Variants in DCUN1D4 observed in about 807,000 individuals in gnomAD.
DCUN1D4 encodes the protein DCN1-like protein 4.
Under a neutral mutation model 47.9 loss-of-function variants are expected in DCUN1D4, and 22 were observed. That is an observed-to-expected ratio of 0.46 (90% CI 0.33 to 0.66). DCUN1D4 has a LOEUF of 0.66. DCUN1D4 is among the 30% of genes least tolerant of loss of function. The pLI is 0.02. For missense variants in DCUN1D4, 301 were observed against 340.8 expected, an observed-to-expected ratio of 0.88 and a Z score of 0.92; for synonymous variants, 121 against 112.2, an observed-to-expected ratio of 1.08 and a Z score of -0.50.
chr4:51,859,984 A>G (rs1231771559), intron 1 of DCUN1D4, among the ~76,000 whole-genome samples: 1 of 152,158 alleles, frequency 6.6e-6, no homozygotes, highest in Non-Finnish European at 1.5e-5. Context: ...TACCCTTAAC[A>G]TCTAGGCCTT....
chr4:51,840,289 A>T (rs917731476), upstream of DCUN1D4, among the ~76,000 whole-genome samples: 1 of 152,218 alleles, frequency 6.6e-6, no homozygotes, highest in Admixed American at 6.5e-5. Context: ...ATTGATTTAC[A>T]TATTGAAAAA....
intron 8 of DCUN1D4, among the ~76,000 whole-genome samples, chr4:51,907,388 G>T (rs1733053596): frequency 6.6e-6 from 1 of 152,220 alleles, no homozygotes; most frequent in South Asian, 2.1e-4. Flanking sequence ...TTTCAGATAT[G>T]AGCTTTTTAC....
chr4:51,874,630 A>C, intron 4 of DCUN1D4: 1 of 349,744 alleles, frequency 2.9e-6, no homozygotes, highest in Non-Finnish European at 5.2e-6. Context: ...TGATCGCCCA[A>C]AACTGGTGCA....
At chr4:51,872,424 G>A (rs895508459) in intron 3 of DCUN1D4, among the ~76,000 whole-genome samples, 11 of 152,202 alleles carry the variant, frequency 7.2e-5, no homozygotes, top group African/African-American at 2.6e-4. Context: ...TCCACAGCCC[G>A]CTGCAATCTG....
the DCUN1D4 span, among the ~76,000 whole-genome samples, chr4:51,834,804 A>C: frequency 6.6e-6 from 1 of 152,060 alleles, no homozygotes; most frequent in Non-Finnish European, 1.5e-5. Context: ...AATGGGAGCA[A>C]ATGACGCACG....
rs188713940 is a variant in DCUN1D4 at position 51,881,966 on chromosome 4, G to A, written c.343+4112G>A. Among the ~76,000 whole-genome samples the A allele has an allele frequency of 1.3e-4, 20 of 152,216 alleles. No individual in the cohort carries two copies. The East Asian group carries it at 1.7e-3, about 13-fold the overall frequency. On this transcript the variant is annotated intron_variant, in intron 5 of 10. Transcript: ENST00000334635. ...GAGGATCGTTTGAGCTAAGGAGTTT[G>A]TGACCAGCCTGGGCAATATAGTGAG...
chr4:51,893,409 CTT>C (rs1491470160), intron 7 of DCUN1D4, among the ~76,000 whole-genome samples: 7 of 150,058 alleles, frequency 4.7e-5, no homozygotes, highest in African/African-American at 1.2e-4. Context: ...TCATTGCTTC[CTT>C]TTTCTTTTCT....
chr4:51,887,071 G>A (rs752948851), intron 6 of DCUN1D4: 34 of 447,496 alleles, frequency 7.6e-5, no homozygotes, highest in Non-Finnish European at 1.1e-4. Context: ...TTCATAGATC[G>A]TTTACTTCCA....
chr4:51,896,030 G>C (rs997208642), intron 7 of DCUN1D4, among the ~76,000 whole-genome samples: 1 of 152,108 alleles, frequency 6.6e-6, no homozygotes, highest in African/African-American at 2.4e-5. Flanking sequence ...TGACTCAGCA[G>C]CCTGTTTCAC....
At position 51,915,608 on chromosome 4, in the gene DCUN1D4, A is replaced by G. The variant is rs1014482913; in HGVS notation, c.*2024A>G. 6.6e-6 allele frequency: 1 copy of G among 152,594 alleles called. No homozygotes were observed. The highest frequency in any genetic ancestry group is 1.5e-5 in the Non-Finnish European group (1 of 68,018). 9.5% of individuals were successfully genotyped at this position (152,594 alleles called of 1,614,324 possible). A position where few individuals can be genotyped will look rare whatever the true frequency, so the allele number is the denominator to read the frequency against. ...AGTTACACTTTAAAGGCAACAGGTCATACAGTTCTTTAAATCTGATCAACT... is the reference window on the plus strand; with the variant it reads ...AGTTACACTTTAAAGGCAACAGGTCGTACAGTTCTTTAAATCTGATCAACT... On this transcript the variant is annotated 3_prime_UTR_variant, in exon 11 of 11. Coordinates refer to ENST00000334635, the MANE Select transcript of DCUN1D4 (RefSeq NM_001040402.3).
At chr4:51,887,540 A>G (rs1577981995) in intron 6 of DCUN1D4, among the ~76,000 whole-genome samples, 2 of 152,240 alleles carry the variant, frequency 1.3e-5, no homozygotes, top group South Asian at 2.1e-4. Flanking sequence ...CTCTTACACT[A>G]AAATGAAAAA....
intron 1 of DCUN1D4, among the ~76,000 whole-genome samples, chr4:51,855,190 A>G (rs956339325): frequency 7.9e-5 from 12 of 152,312 alleles, no homozygotes; most frequent in African/African-American, 2.6e-4. Flanking sequence ...AATGTCTAGA[A>G]TAGGCAAATC....
At chr4:51,913,471 C>CTAT (rs1733999689) in intron 10 of DCUN1D4, 58 bp from the exon 11 acceptor site, 9 of 1,559,080 alleles carry the variant, frequency 5.8e-6, no homozygotes, top group Middle Eastern at 1.7e-4. Flanking sequence ...AGCTACATTA[C>CTAT]TATTATTATT....
At chr4:51,849,339 C>G (rs1173548364) in intron 1 of DCUN1D4, among the ~76,000 whole-genome samples, 1 of 152,172 alleles carries the variant, frequency 6.6e-6, no homozygotes, top group Non-Finnish European at 1.5e-5. Context: ...TCTGCTGTGT[C>G]CCCTTAGGCA....
chr4:51,836,584 C>G, the DCUN1D4 span, among the ~76,000 whole-genome samples: 2 of 152,108 alleles, frequency 1.3e-5, no homozygotes, highest in African/African-American at 4.8e-5. Flanking sequence ...TTGGGCAGAA[C>G]GGGGTGGCTG....
At chr4:51,855,362 G>T (rs1244177768) in intron 1 of DCUN1D4, among the ~76,000 whole-genome samples, 2 of 152,152 alleles carry the variant, frequency 1.3e-5, no homozygotes, top group African/African-American at 4.8e-5. Flanking sequence ...TATAATGAGT[G>T]AATTCCATGC....
chr4:51,849,879 T>C (rs1201444506), intron 1 of DCUN1D4, among the ~76,000 whole-genome samples: 1 of 152,088 alleles, frequency 6.6e-6, no homozygotes, highest in African/African-American at 2.4e-5. Context: ...TTTAGTGGAA[T>C]GTTTATTTTG....
intron 5 of DCUN1D4, 72 bp from the exon 6 acceptor site, chr4:51,886,496 A>G (rs1164622019): frequency 1.5e-6 from 2 of 1,366,684 alleles, no homozygotes; most frequent in Admixed American, 1.9e-5. Context: ...TGTTGACAGT[A>G]TAATACTACT....
chr4:51,898,684 G>T (rs1029349366), intron 7 of DCUN1D4, among the ~76,000 whole-genome samples: 51 of 152,188 alleles, frequency 3.4e-4, no homozygotes, highest in African/African-American at 1.2e-3. Flanking sequence ...TATAATCATA[G>T]GGACATTATC....
Sources: gnomAD v4.1 joint callset for allele counts (sites outside exome capture counted in the v4.1 genomes callset) on GRCh38, gnomAD v4.1.1 for gene constraint, MANE v1.5 for transcripts, NCBI Gene and HGNC (gene_info 2026-07-23, HGNC 2026-07-21) for gene names.